The following DEAF1 variants were observed in gnomAD, a reference collection of about 807,000 sequenced individuals.
The protein encoded by DEAF1 is DEAF1 transcription factor.
Under a neutral mutation model 58.9 loss-of-function variants are expected in DEAF1, and 53 were observed. The ratio of observed to expected loss-of-function variants is 0.90; its 90% CI spans 0.72 to 1.13. DEAF1 has a LOEUF of 1.13. DEAF1 is among the 50% of genes most tolerant of loss of function. DEAF1 has a pLI of 0.00. For synonymous variants in DEAF1, 385 were observed against 340.4 expected, an observed-to-expected ratio of 1.13 and a Z score of -1.44; for missense variants, 685 against 791.4, an observed-to-expected ratio of 0.87 and a Z score of 1.61.
At chr11:652,137 A>G (rs1030753228) in intron 11 of DEAF1, among the ~76,000 whole-genome samples, 2 of 152,246 alleles carry the variant, frequency 1.3e-5, no homozygotes, top group Non-Finnish European at 2.9e-5. Context: ...ACTGAAAAAC[A>G]CTAAGTATGT....
At chr11:652,232 C>T (rs1386978727) in intron 11 of DEAF1, among the ~76,000 whole-genome samples, 1 of 152,002 alleles carries the variant, frequency 6.6e-6, no homozygotes, top group Non-Finnish European at 1.5e-5. Flanking sequence ...TAGCATACTT[C>T]TTTTTTAGAT....
chr11:670,401 C>CT (rs56358451), intron 10 of DEAF1, among the ~76,000 whole-genome samples: 62 of 143,858 alleles, frequency 4.3e-4, no homozygotes, highest in African/African-American at 7.9e-4. Flanking sequence ...TGGAAGTATA[C>CT]TTTTTTTTTT....
upstream of DEAF1, chr11:698,783 G>C (rs201988668): frequency 6.1e-6 from 9 of 1,480,738 alleles, no homozygotes; most frequent in Non-Finnish European, 8.5e-6. Flanking sequence ...AAATAAAGCA[G>C]GGGTGGTTCC....
chr11:673,026 G>T (rs1422559870), intron 10 of DEAF1, among the ~76,000 whole-genome samples: 1 of 152,122 alleles, frequency 6.6e-6, no homozygotes, highest in Non-Finnish European at 1.5e-5. Flanking sequence ...GCAGGCGCCT[G>T]TAGTCCCAGC....
chr11:647,840 C>T (rs560909976), intron 11 of DEAF1, among the ~76,000 whole-genome samples: 6 of 150,802 alleles, frequency 4.0e-5, no homozygotes, highest in South Asian at 2.1e-4. Context: ...TTGACCCAGG[C>T]GGTGCTGGGA....
chr11:697,759 G>C (rs957109384), upstream of DEAF1: 1 of 152,238 alleles, frequency 6.6e-6, no homozygotes, highest in Non-Finnish European at 1.5e-5. Flanking sequence ...GTGGCCTGCC[G>C]GGAACGCGAT....
At chr11:681,598 G>C (rs1860374702) in intron 6 of DEAF1, among the ~76,000 whole-genome samples, 2 of 151,980 alleles carry the variant, frequency 1.3e-5, no homozygotes, top group South Asian at 4.2e-4. Context: ...TTTTAGTAGA[G>C]ACGGGGTTTC....
rs1858372653 is a variant in DEAF1 at position 644,290 on chromosome 11, G to A, written c.*260C>T. On this transcript the variant is annotated 3_prime_UTR_variant, in exon 12 of 12. Coordinates refer to ENST00000382409, the MANE Select transcript of DEAF1 (RefSeq NM_021008.4). The surrounding 1 kb of genome is among the most constrained non-coding windows in gnomAD (Gnocchi z 4.3). ...ACGTATGTATGTGCGTCGCAGCACA[G>A]GCCCTGTGGGCAAGACCGGACGCTC... 6.9e-5 allele frequency: 40 copies of A among 582,084 alleles called. 1 individual carries two copies. The South Asian group carries it at 7.6e-4, about 11-fold the overall frequency. The allele number at this position is 582,084 out of a possible 1,614,324, so 36.1% of individuals were successfully genotyped here.
chr11:662,486 G>A (rs1348827420), intron 10 of DEAF1, among the ~76,000 whole-genome samples: 5 of 151,970 alleles, frequency 3.3e-5, no homozygotes, highest in Non-Finnish European at 5.9e-5. Flanking sequence ...GCAGGAGGAC[G>A]CCAACATGCG....
rs1858382904 is a variant in DEAF1 at position 644,453 on chromosome 11, T to C, written c.*97A>G. On this transcript the variant is annotated 3_prime_UTR_variant, in exon 12 of 12. Transcript: ENST00000382409. This position sits in a 1 kb window ranked among gnomAD's most constrained non-coding sequence, Gnocchi z 4.3. Reference sequence around the variant, plus strand: ...TTTCTTTACCTTCCCACACCCCTCTTCTCAACGTCCCCCCAGAGTCCTCAG... The same window carrying C: ...TTTCTTTACCTTCCCACACCCCTCTCCTCAACGTCCCCCCAGAGTCCTCAG... The C allele has an allele frequency of 2.2e-6, 2 of 897,402 alleles. No homozygotes were observed. Among genetic ancestry groups the C allele is most frequent in the African/African-American group, 1.6e-5 (1 of 60,666 alleles). The allele number at this position is 897,402 out of a possible 1,614,324, so 55.6% of individuals were successfully genotyped here.
At chr11:684,774 G>A (rs1860517872) in intron 6 of DEAF1, 124 bp downstream of exon 6, 2 of 822,556 alleles carry the variant, frequency 2.4e-6, no homozygotes, top group Non-Finnish European at 4.1e-6. Context: ...GAGAAGTGAG[G>A]ACAGTGTCTC....
At chr11:652,769 GAAAA>G (rs541296736) in intron 11 of DEAF1, among the ~76,000 whole-genome samples, 2 of 150,378 alleles carry the variant, frequency 1.3e-5, no homozygotes, top group East Asian at 1.9e-4. Flanking sequence ...ATAAATATGA[GAAAA>G]AAAAACCATC....
intron 10 of DEAF1, among the ~76,000 whole-genome samples, chr11:657,298 T>G (rs1232498535): frequency 6.6e-6 from 1 of 152,136 alleles, no homozygotes; most frequent in Non-Finnish European, 1.5e-5. Flanking sequence ...TGGAGCACCC[T>G]GCAGTGCCAG....
chr11:692,777 G>A (rs1404684955), intron 1 of DEAF1, among the ~76,000 whole-genome samples: 2 of 152,110 alleles, frequency 1.3e-5, no homozygotes, highest in East Asian at 1.9e-4. Flanking sequence ...ACTTGAACCC[G>A]GGAGGCGGGA....
intron 2 of DEAF1, among the ~76,000 whole-genome samples, chr11:689,020 T>C (rs1167455904): frequency 1.3e-5 from 2 of 152,072 alleles, no homozygotes; most frequent in Non-Finnish European, 2.9e-5. Context: ...ACTTGAACCC[T>C]ACCTTGGCCA....
At position 657,547 on chromosome 11, in the gene DEAF1, G is replaced by GC. The variant is rs542896095; in HGVS notation, c.1504-3497dup. Among the ~76,000 whole-genome samples, 401 of 152,250 alleles carry GC rather than the reference G, an allele frequency of 2.6e-3. 2 individuals carry two copies. Among genetic ancestry groups the GC allele is most frequent in the African/African-American group, 9.0e-3 (373 of 41,516 alleles). On this transcript the variant is annotated intron_variant, in intron 10 of 11. Transcript: ENST00000382409. ...TTCCAGATCCTCCCGTCTAGGAGAAGCCCCCCCACGGCCGTGGACTTGCTG... is the reference window on the plus strand; with the variant it reads ...TTCCAGATCCTCCCGTCTAGGAGAAGCCCCCCCCACGGCCGTGGACTTGCTG...
At chr11:691,454 C>G (rs761411048) in intron 2 of DEAF1, 47 bp downstream of exon 2, 2 of 1,576,190 alleles carry the variant, frequency 1.3e-6, no homozygotes, top group Non-Finnish European at 1.7e-6. Flanking sequence ...CGGAGGCCCC[C>G]AGCGTGGCAC....
chr11:702,616 T>A (rs1376351015), intron 1 of DEAF1, among the ~76,000 whole-genome samples: 2 of 152,254 alleles, frequency 1.3e-5, no homozygotes, highest in Non-Finnish European at 2.9e-5. Context: ...CACTTGGAAT[T>A]AGGAAAACGT....
chr11:652,659 C>A (rs1052286221), intron 11 of DEAF1, among the ~76,000 whole-genome samples: 10 of 151,698 alleles, frequency 6.6e-5, no homozygotes, highest in African/African-American at 2.4e-4. Flanking sequence ...AGAAGGAGGG[C>A]AGAAGGGCAC....
Sources: allele counts gnomAD v4.1 joint callset (sites outside exome capture counted in the v4.1 genomes callset), GRCh38; gene constraint gnomAD v4.1.1; non-coding constraint Gnocchi (gnomAD v3.1); transcripts MANE v1.5; gene names NCBI Gene and HGNC (gene_info 2026-07-23, HGNC 2026-07-21).